Variants in ATRNL1 observed in about 807,000 individuals in gnomAD.
ATRNL1 encodes the protein attractin-like protein 1.
Under a neutral mutation model 182.7 loss-of-function variants are expected in ATRNL1, and 95 were observed. The observed-to-expected ratio is 0.52, with a 90% CI of 0.44 to 0.62. ATRNL1 has a LOEUF of 0.62. Ranked by LOEUF, ATRNL1 falls within the 20% of genes least tolerant of loss-of-function variation. The probability of loss-of-function intolerance (pLI) is 0.00; values close to 1 mark genes in which losing one functional copy is unlikely to be tolerated. For synonymous variants in ATRNL1, 576 were observed against 568.3 expected, an observed-to-expected ratio of 1.01 and a Z score of -0.19; for missense variants, 1,471 against 1,679.5, an observed-to-expected ratio of 0.88 and a Z score of 2.17.
chr10:115,826,701 C>T (rs1950442425), intron 27 of ATRNL1, among the ~76,000 whole-genome samples: 1 of 151,982 alleles, frequency 6.6e-6, no homozygotes, highest in East Asian at 1.9e-4. Context: ...TGAGTGGGCA[C>T]CTGAAAATGG....
At chr10:115,622,781 G>T (rs1218597510) in intron 26 of ATRNL1, among the ~76,000 whole-genome samples, 1 of 152,028 alleles carries the variant, frequency 6.6e-6, no homozygotes, top group Non-Finnish European at 1.5e-5. Flanking sequence ...CAAAAAATTA[G>T]CCAGGCAAGG....
At chr10:115,256,194 A>T (rs928797367) in intron 10 of ATRNL1, among the ~76,000 whole-genome samples, 2 of 152,110 alleles carry the variant, frequency 1.3e-5, no homozygotes, top group Non-Finnish European at 2.9e-5. Flanking sequence ...ATTGATTGGG[A>T]TAGTTTCAGA....
chr10:115,571,108 G>A (rs1854363954), intron 26 of ATRNL1, among the ~76,000 whole-genome samples: 1 of 152,004 alleles, frequency 6.6e-6, no homozygotes, highest in East Asian at 1.9e-4. Flanking sequence ...CCTCCATATG[G>A]GCCTATCCAT....
intron 8 of ATRNL1, among the ~76,000 whole-genome samples, chr10:115,189,463 ATGTGGAGG>A (rs1166345534): frequency 1.3e-5 from 2 of 152,100 alleles, no homozygotes; most frequent in East Asian, 3.9e-4. Flanking sequence ...GTGGGACAAG[ATGTGGAGG>A]TGGAAGACAG....
chr10:115,427,681 C>T (rs1008029028), intron 21 of ATRNL1, among the ~76,000 whole-genome samples: 2 of 152,182 alleles, frequency 1.3e-5, no homozygotes, highest in South Asian at 4.1e-4. Flanking sequence ...TATGTGAAGA[C>T]TATACTTTAA....
chr10:115,866,502 T>C (rs1555104787), intron 28 of ATRNL1, among the ~76,000 whole-genome samples: 1 of 152,202 alleles, frequency 6.6e-6, no homozygotes, highest in Non-Finnish European at 1.5e-5. Context: ...TACTACTGTG[T>C]CTATTTGACA....
chr10:115,137,519 TG>T (rs546387327), intron 5 of ATRNL1, among the ~76,000 whole-genome samples: 5 of 152,142 alleles, frequency 3.3e-5, no homozygotes, highest in Admixed American at 6.5e-5. Flanking sequence ...TCCACATGGC[TG>T]GGGGGGCCTC....
At position 115,286,378 on chromosome 10, in the gene ATRNL1, T is replaced by C; in HGVS notation, c.2396T>C (p.Ile799Thr). Reference protein sequence around the residue: ...SKEVEFVLDEIQKYTQQKVSP... With the variant: ...SKEVEFVLDETQKYTQQKVSP... ...GAAGTAGAATTTGTTCTGGATGAAA[T>C]ACAGAAGTATACACAACAGGTAACA... Residue 799 changes from isoleucine (I) to threonine (T), a missense_variant, in exon 15 of 29, where the codon ATA (isoleucine) becomes ACA (threonine). By Grantham distance (89) the Ile-to-Thr change is moderately conservative. Around this residue, in one of 3 missense-constraint regions of ATRNL1, gnomAD observed 1,031 missense variants for 1,156.0 expected, o/e 0.89. Transcript: ENST00000355044. 6.3e-7 allele frequency: 1 copy of C among 1,586,646 alleles called. No individual in the cohort carries two copies. The highest frequency in any genetic ancestry group is 8.6e-7 in the Non-Finnish European group (1 of 1,161,070).
intron 20 of ATRNL1, among the ~76,000 whole-genome samples, chr10:115,415,205 A>T (rs1320686405): frequency 6.6e-6 from 1 of 152,050 alleles, no homozygotes; most frequent in Non-Finnish European, 1.5e-5. Flanking sequence ...AGCAGGATAT[A>T]TTGCTATGCA....
intron 8 of ATRNL1, among the ~76,000 whole-genome samples, chr10:115,196,239 T>C (rs1848355301): frequency 6.6e-6 from 1 of 152,174 alleles, no homozygotes; most frequent in South Asian, 2.1e-4. Flanking sequence ...ATGGTATCTG[T>C]GTAGAAAAAT....
chr10:115,378,572 T>C (rs1857807217), intron 19 of ATRNL1, among the ~76,000 whole-genome samples: 1 of 151,978 alleles, frequency 6.6e-6, no homozygotes, highest in African/African-American at 2.4e-5. Context: ...GGCAGAGGAG[T>C]TAGTCTCCCA....
intron 28 of ATRNL1, among the ~76,000 whole-genome samples, chr10:115,891,795 C>T (rs1952085809): frequency 6.6e-6 from 1 of 152,118 alleles, no homozygotes; most frequent in Non-Finnish European, 1.5e-5. Flanking sequence ...TTAACTCAGT[C>T]AGGTAAGCTA....
rs191623897 is a variant in ATRNL1 at position 115,745,930 on chromosome 10, T to C, written c.3903+18575T>C. Among the ~76,000 whole-genome samples the C allele has an allele frequency of 1.3e-4, 20 of 152,220 alleles. No individual in the cohort carries two copies. In the East Asian group the frequency reaches 3.3e-3, roughly 25 times the overall value. The stretch of plus-strand genomic sequence containing the variant: ...GTAATATGTGCTTAAAAAACAAGAA[T>C]CCAAAAATTGAATTTTGGAAAATAT... On this transcript the variant is annotated intron_variant, in intron 27 of 28. Coordinates refer to ENST00000355044, the MANE Select transcript of ATRNL1 (RefSeq NM_207303.4).
At chr10:115,328,513 A>G (rs1325303990) in intron 18 of ATRNL1, among the ~76,000 whole-genome samples, 1 of 152,054 alleles carries the variant, frequency 6.6e-6, no homozygotes, top group Non-Finnish European at 1.5e-5. Flanking sequence ...CTTGTACTCT[A>G]TTGCATCATA....
chr10:115,721,060 C>G (rs1238197069), intron 26 of ATRNL1, among the ~76,000 whole-genome samples: 2 of 152,160 alleles, frequency 1.3e-5, no homozygotes, highest in African/African-American at 4.8e-5. Flanking sequence ...GTGCCAGGTT[C>G]ATAGACTTTT....
chr10:115,562,353 G>A (rs1023325943), intron 26 of ATRNL1, among the ~76,000 whole-genome samples: 1 of 152,078 alleles, frequency 6.6e-6, no homozygotes, highest in Non-Finnish European at 1.5e-5. Context: ...ATGGGTACAT[G>A]GGTTCTTTCT....
At position 115,605,641 on chromosome 10, in the gene ATRNL1, C is replaced by A. The variant is rs1251864542; in HGVS notation, c.3795+56105C>A. 2.6e-5 allele frequency among the ~76,000 whole-genome samples: 4 copies of A among 151,856 alleles called. No individual in the cohort carries two copies. In the East Asian group the frequency reaches 5.8e-4, roughly 22 times the overall value. On this transcript the variant is annotated intron_variant, in intron 26 of 28. Coordinates refer to ENST00000355044, the MANE Select transcript of ATRNL1 (RefSeq NM_207303.4). The stretch of plus-strand genomic sequence containing the variant: ...AACCTCATTGTAAGTCAAAGATCAT[C>A]TTGTATTTCAGCATATTTTATTATA...
chr10:115,470,920 ATAT>A (rs1848280550), intron 24 of ATRNL1, among the ~76,000 whole-genome samples: 1 of 150,780 alleles, frequency 6.6e-6, no homozygotes, highest in South Asian at 2.1e-4. Context: ...TTAAATTATA[ATAT>A]TATACAAAAC....
At chr10:115,415,228 C>T (rs1845332402) in intron 20 of ATRNL1, among the ~76,000 whole-genome samples, 1 of 151,898 alleles carries the variant, frequency 6.6e-6, no homozygotes, top group South Asian at 2.1e-4. Context: ...TGAAATTTTG[C>T]CAGTCTTGTG....
Sources: allele counts gnomAD v4.1 joint callset (sites outside exome capture counted in the v4.1 genomes callset), GRCh38; gene constraint gnomAD v4.1.1; regional missense constraint gnomAD v4.1.1; transcripts MANE v1.5; gene names NCBI Gene and HGNC (gene_info 2026-07-23, HGNC 2026-07-21).